Variants in GFUS observed in about 807,000 individuals in gnomAD.
GFUS encodes the protein GDP-L-fucose synthase.
Under a neutral mutation model 41.5 loss-of-function variants are expected in GFUS, and 42 were observed. That is an observed-to-expected ratio of 1.01 (90% CI 0.79 to 1.31). The LOEUF (loss-of-function observed/expected upper bound fraction) is 1.31, where lower values mean the gene tolerates loss of function less well. Among genes scored for constraint, GFUS ranks in the 50% most tolerant of loss-of-function variants. The pLI, the probability that GFUS is intolerant of heterozygous loss-of-function variation, is 0.00. For synonymous variants in GFUS, 188 were observed against 173.4 expected, an observed-to-expected ratio of 1.08 and a Z score of -0.66; for missense variants, 437 against 428.7, an observed-to-expected ratio of 1.02 and a Z score of -0.17.
chr8:143,612,765 G>T lies in GFUS; in HGVS notation c.*145C>A. The stretch of plus-strand genomic sequence containing the variant: ...GACCAACGTGAATGGGGGCCCCACT[G>T]GAAAGATGCTTGGGGCTGCAGAGCG... On this transcript the variant is annotated 3_prime_UTR_variant, in exon 11 of 11. Coordinates refer to ENST00000425753, the MANE Select transcript of GFUS (RefSeq NM_003313.4). The T allele has an allele frequency of 9.2e-7, 1 of 1,090,724 alleles. No homozygotes were observed. The highest frequency in any genetic ancestry group is 1.3e-6 in the Non-Finnish European group (1 of 762,454). The allele number at this position is 1,090,724 out of a possible 1,614,324, so 67.6% of individuals were successfully genotyped here.
Position 143,614,461 on chromosome 8 carries a change from G to A in GFUS, c.465-8C>T. ...TACTGCTGGAAGTAGGCCCTGCGGA[G>A]GCACAGCGTCTCCTGCCCTCGTCCT... On this transcript the variant is annotated splice_region_variant and splice_polypyrimidine_tract_variant and intron_variant, in intron 5 of 10. Transcript: ENST00000425753. 1 of 1,608,038 alleles carries A rather than the reference G, an allele frequency of 6.2e-7. No individual in the cohort carries two copies. Among genetic ancestry groups the A allele is most frequent in the African/African-American group, 1.3e-5 (1 of 74,948 alleles).
In GFUS at chr8:143,614,419, CGGT is replaced by C; in HGVS notation, c.496_498del (p.Thr166del). The C allele has an allele frequency of 2.5e-6, 4 of 1,613,746 alleles. No homozygotes were observed. Among genetic ancestry groups the C allele is most frequent in the South Asian group, 1.1e-5 (1 of 91,068 alleles). ...CCGAAGACGTTGGTGGGGATGACAG[CGGT>C]GAAGGTGCAGCCGTACTGCTGGAAG... On this transcript the variant is annotated inframe_deletion, in exon 6 of 11. Coordinates refer to ENST00000425753, the MANE Select transcript of GFUS (RefSeq NM_003313.4).
At chr8:143,616,245 G>A (rs1015780676) in intron 2 of GFUS, 25 bp from the exon 3 acceptor site, 1 of 1,607,270 alleles carries the variant, frequency 6.2e-7, no homozygotes, top group African/African-American at 1.3e-5. Context: ...GCTGTCAGGA[G>A]GCTCTGGAGG....
At chr8:143,614,985 C>CTTCT in intron 3 of GFUS, 70 bp from the exon 4 acceptor site, 1 of 1,538,740 alleles carries the variant, frequency 6.5e-7, no homozygotes, top group Non-Finnish European at 8.8e-7. Context: ...CTCCTCCAGA[C>CTTCT]GCAGAAGTGG....
intron 3 of GFUS, among the ~76,000 whole-genome samples, chr8:143,615,713 A>T (rs567096488): frequency 5.3e-5 from 8 of 152,198 alleles, no homozygotes; most frequent in Non-Finnish European, 8.8e-5. Context: ...TGCACCCCAG[A>T]GTGTGTGGTG....
At chr8:143,615,380 G>A (rs35298080) in intron 3 of GFUS, among the ~76,000 whole-genome samples, 451 of 152,278 alleles carry the variant, frequency 3.0e-3, no homozygotes, top group East Asian at 0.011. Context: ...CCCACTTCCC[G>A]TGCATGAACT....
chr8:143,616,782 C>A, intron 1 of GFUS, 59 bp from the exon 2 acceptor site: 1 of 1,600,114 alleles, frequency 6.2e-7, no homozygotes, highest in Non-Finnish European at 8.5e-7. Context: ...TGGAGCCCCA[C>A]TCTTCTGTGG....
rs1421075348 is a variant in GFUS at position 143,617,484 on chromosome 8, C to G, written c.-22G>C. 6.6e-6 allele frequency: 1 copy of G among 152,294 alleles called. No homozygotes were observed. Among genetic ancestry groups the G allele is most frequent in the Non-Finnish European group, 1.5e-5 (1 of 68,080 alleles). The allele number at this position is 152,294 out of a possible 1,614,324, so 9.4% of individuals were successfully genotyped here. A position where few individuals can be genotyped will look rare whatever the true frequency, so the allele number is the denominator to read the frequency against. On this transcript the variant is annotated 5_prime_UTR_variant, in exon 1 of 11. Coordinates refer to ENST00000425753, the MANE Select transcript of GFUS (RefSeq NM_003313.4). ...CCGGTGCCACCTCACCTGCGTCCAG[C>G]CCCACCGCCGGCTCCCCGACAGCGG...
rs1352540653 is a variant in GFUS at position 143,614,444 on chromosome 8, G to C, written c.474C>G (p.Phe158Leu). 4.3e-6 allele frequency: 7 copies of C among 1,612,526 alleles called. No homozygotes were observed. Among genetic ancestry groups the C allele is most frequent in the South Asian group, 1.1e-5 (1 of 91,006 alleles). Residue 158 changes from phenylalanine (F) to leucine (L), a missense_variant, in exon 6 of 11, where the codon TTC (phenylalanine) becomes TTG (leucine). Phe to Leu is a conservative substitution (Grantham distance 22). Coordinates refer to ENST00000425753, the MANE Select transcript of GFUS (RefSeq NM_003313.4). The part of the protein sequence containing the change: ...RMIDVQNRAY[F>L]QQYGCTFTAV... ...CGGTGAAGGTGCAGCCGTACTGCTG[G>C]AAGTAGGCCCTGCGGAGGCACAGCG...
intron 9 of GFUS, 50 bp downstream of exon 9, chr8:143,613,474 C>T: frequency 1.9e-6 from 3 of 1,592,686 alleles, no homozygotes; most frequent in Non-Finnish European, 8.6e-7. Flanking sequence ...GGCCACTGAG[C>T]CCGCCCAAGG....
chr8:143,613,742 G>C lies in GFUS; in HGVS notation c.730+9C>G. 2 of 1,551,768 alleles carry C rather than the reference G, an allele frequency of 1.3e-6. No individual in the cohort carries two copies. Among genetic ancestry groups the C allele is most frequent in the South Asian group, 1.2e-5 (1 of 84,212 alleles). Reference sequence around the variant, plus strand: ...ATGGAGGAAGGGGGCTGAGGGCTGAGGTACCCACCGGAGAGGATGATGGGC... The same window carrying C: ...ATGGAGGAAGGGGGCTGAGGGCTGACGTACCCACCGGAGAGGATGATGGGC... On this transcript the variant is annotated intron_variant, in intron 8 of 10. Transcript: ENST00000425753.
chr8:143,616,818 G>A (rs1394993426), intron 1 of GFUS, 95 bp from the exon 2 acceptor site: 10 of 1,480,784 alleles, frequency 6.8e-6, no homozygotes, highest in African/African-American at 1.4e-5. Flanking sequence ...GAGGCCCTCA[G>A]AGTGGGGCAT....
At position 143,615,367 on chromosome 8, in the gene GFUS, G is replaced by A. The variant is rs180950057; in HGVS notation, c.262-452C>T. The stretch of plus-strand genomic sequence containing the variant: ...CTGCGCTTGCCGGGTCCACCCCGCG[G>A]GCCCCACTTCCCGTGCATGAACTAG... On this transcript the variant is annotated intron_variant, in intron 3 of 10. Transcript: ENST00000425753. Among the ~76,000 whole-genome samples, 32 of 152,294 alleles carry A rather than the reference G, an allele frequency of 2.1e-4. 1 individual carries two copies. In the East Asian group the frequency reaches 6.0e-3, roughly 28 times the overall value.
Position 143,612,875 on chromosome 8 carries a change from G to T in GFUS, c.*35C>A. ...TGGTGGCCGCTGGGCTCTGCCAGCC[G>T]ATGGTCCGCTGGCACCTGATCCTGT... is the stretch of plus-strand genomic sequence containing the variant. On this transcript the variant is annotated 3_prime_UTR_variant, in exon 11 of 11. Transcript: ENST00000425753. 1 of 1,589,048 alleles carries T rather than the reference G, an allele frequency of 6.3e-7. No individual in the cohort carries two copies. The highest frequency in any genetic ancestry group is 1.8e-5 in the Admixed American group (1 of 57,040).
In GFUS at chr8:143,614,549, C is replaced by G. The variant is rs1829671632; in HGVS notation, c.464+75G>C. ...TACTGAGGCTGGCACGAAGACCCGA[C>G]CAGCCGGCCCCACCCGCCCCTGGGG... On this transcript the variant is annotated intron_variant, in intron 5 of 10. Transcript: ENST00000425753. The G allele has an allele frequency of 2.6e-6, 4 of 1,556,666 alleles. No homozygotes were observed. In the African/African-American group the frequency reaches 4.1e-5, roughly 16 times the overall value.
rs757577354 is a variant in GFUS, at chr8:143,614,863, C to T, written c.314G>A (p.Gly105Asp). 4.3e-6 allele frequency: 7 copies of T among 1,613,640 alleles called. No homozygotes were observed. In the African/African-American group the frequency reaches 9.3e-5, roughly 22 times the overall value. ...DNVLHSAFEVGARKVVSCLST... is the reference protein window; with the variant it reads ...DNVLHSAFEVDARKVVSCLST... Reference sequence around the variant, plus strand: ...CAGGCAGGACACCACCTTGCGGGCGCCCACCTCAAAGGCCGAGTGCAGGAC... The same window carrying T: ...CAGGCAGGACACCACCTTGCGGGCGTCCACCTCAAAGGCCGAGTGCAGGAC... Residue 105 changes from glycine (G) to aspartate (D), a missense_variant, in exon 4 of 11, where the codon GGC becomes GAC. Physicochemically the swap from Gly to Asp is moderately conservative, Grantham distance 94. Coordinates refer to ENST00000425753, the MANE Select transcript of GFUS (RefSeq NM_003313.4).
rs760612568 is a variant in GFUS at position 143,613,780 on chromosome 8, T to C, written c.701A>G (p.Tyr234Cys). Residue 234 changes from tyrosine to cysteine, a missense_variant, in exon 8 of 11, where the codon TAC becomes TGC. Physicochemically the swap from Tyr to Cys is radical, Grantham distance 194 (BLOSUM62 -2). Coordinates refer to ENST00000425753, the MANE Select transcript of GFUS (RefSeq NM_003313.4). Reference sequence around the variant, plus strand: ...GAGGATGATGGGCTCCACTTCATTGTACTCCCGCAGGACCCAGATAAAGAG... The same window carrying C: ...GAGGATGATGGGCTCCACTTCATTGCACTCCCGCAGGACCCAGATAAAGAG... Reference protein sequence around the residue: ...AQLFIWVLREYNEVEPIILSV... With the variant: ...AQLFIWVLRECNEVEPIILSV... 3 of 1,550,948 alleles carry C rather than the reference T, an allele frequency of 1.9e-6. No individual in the cohort carries two copies. The highest frequency in any genetic ancestry group is 1.2e-5 in the South Asian group (1 of 84,066).
intron 1 of GFUS, chr8:143,616,991 G>C (rs1377881781): frequency 1.9e-6 from 1 of 526,526 alleles, no homozygotes; most frequent in Non-Finnish European, 3.4e-6. Context: ...GCCGAGAAAA[G>C]GTACATTCTA....
intron 5 of GFUS, 38 bp downstream of exon 5, chr8:143,614,586 G>T (rs375667036): frequency 3.2e-6 from 5 of 1,563,064 alleles, no homozygotes; most frequent in Non-Finnish European, 4.3e-6. Flanking sequence ...CCCTCTCCCC[G>T]ACTCCTGGCT....
Sources: gnomAD v4.1 joint callset for allele counts (sites outside exome capture counted in the v4.1 genomes callset) on GRCh38, gnomAD v4.1.1 for gene constraint, MANE v1.5 for transcripts, NCBI Gene and HGNC (gene_info 2026-07-23, HGNC 2026-07-21) for gene names.